RTKN2: variants seen among roughly 807,000 people sequenced by gnomAD.
RTKN2 encodes the protein rhotekin 2.
A neutral mutation model predicts 71.5 loss-of-function variants in RTKN2; 69 were observed. The ratio of observed to expected loss-of-function variants is 0.96; its 90% CI spans 0.79 to 1.18. The LOEUF is 1.18. Ranked by LOEUF, RTKN2 falls within the 50% of genes most tolerant of loss-of-function variation. The pLI is 0.00. For synonymous variants in RTKN2, 236 were observed against 236.5 expected (o/e 1.00, Z 0.02); for missense variants, 724 against 719.7 (o/e 1.01, Z -0.07).
intron 2 of RTKN2, among the ~76,000 whole-genome samples, chr10:62,253,025 T>C (rs1161560251): frequency 6.6e-6 from 1 of 152,084 alleles, no homozygotes; most frequent in Non-Finnish European, 1.5e-5. Context: ...GTTATATCAG[T>C]AAATATAAAA....
intron 6 of RTKN2, among the ~76,000 whole-genome samples, 200 bp downstream of exon 6, chr10:62,235,866 A>T (rs947869648): frequency 1.3e-5 from 2 of 152,116 alleles, no homozygotes; most frequent in African/African-American, 2.4e-5. Context: ...CCAAATCACT[A>T]AAAACACTCT....
chr10:62,260,845 T>C (rs1384127764), intron 2 of RTKN2, among the ~76,000 whole-genome samples: 3 of 152,214 alleles, frequency 2.0e-5, no homozygotes, highest in Non-Finnish European at 4.4e-5. Context: ...TGACATAATA[T>C]AATGTTTAGT....
intron 3 of RTKN2, among the ~76,000 whole-genome samples, chr10:62,243,024 G>C (rs1040425581): frequency 6.6e-6 from 1 of 151,618 alleles, no homozygotes; most frequent in Non-Finnish European, 1.5e-5. Flanking sequence ...GGGTACATGT[G>C]CACGACGTGC....
chr10:62,209,535 G>T (rs1379894293), intron 9 of RTKN2, among the ~76,000 whole-genome samples: 3 of 151,928 alleles, frequency 2.0e-5, no homozygotes, highest in Non-Finnish European at 2.9e-5. Context: ...TGTCATGGGG[G>T]TCTACTGTAA....
chr10:62,256,018 GA>G (rs1842667606), intron 2 of RTKN2, among the ~76,000 whole-genome samples: 1 of 125,682 alleles, frequency 8.0e-6, no homozygotes. Context: ...TTAAAATCTA[GA>G]CTCTTTTTTT....
chr10:62,213,964 G>C (rs185111510), intron 9 of RTKN2, among the ~76,000 whole-genome samples: 13 of 151,994 alleles, frequency 8.6e-5, no homozygotes, highest in Admixed American at 6.6e-5. Flanking sequence ...TCAATAAGGA[G>C]ATCAGTGAAT....
intron 1 of RTKN2, 39 bp from the exon 2 acceptor site, chr10:62,262,860 CA>C: frequency 4.4e-6 from 6 of 1,375,898 alleles, no homozygotes; most frequent in Non-Finnish European, 6.1e-6. Flanking sequence ...AGCAAAAACC[CA>C]AAATTACATC....
intron 8 of RTKN2, chr10:62,184,534 C>A (rs1186004203): frequency 4.0e-6 from 2 of 505,994 alleles, no homozygotes; most frequent in African/African-American, 4.0e-5. Flanking sequence ...GTAAAAAAGC[C>A]TTTCTTAGAA....
At position 62,268,738 on chromosome 10, in the gene RTKN2, G is replaced by A. The variant is rs1842916561; in HGVS notation, c.-128C>T. On this transcript the variant is annotated 5_prime_UTR_variant, in exon 1 of 12. Transcript: ENST00000373789. Reference sequence around the variant, plus strand: ...CCAAGTCCCAGTCGCAGGGGCCGGGGGCGCAGGAGGAGCCGGGCCGAAGCG... The same window carrying A: ...CCAAGTCCCAGTCGCAGGGGCCGGGAGCGCAGGAGGAGCCGGGCCGAAGCG... 3.1e-6 allele frequency: 3 copies of A among 967,242 alleles called. No individual in the cohort carries two copies. Among genetic ancestry groups the A allele is most frequent in the Non-Finnish European group, 4.5e-6 (3 of 660,366 alleles). 59.9% of individuals were successfully genotyped at this position (967,242 alleles called of 1,614,324 possible).
intron 6 of RTKN2, among the ~76,000 whole-genome samples, chr10:62,231,657 T>TA (rs932749556): frequency 1.4e-4 from 22 of 152,122 alleles, no homozygotes; most frequent in African/African-American, 5.3e-4. Context: ...GGGCAATTGT[T>TA]ACAACATTTT....
chr10:62,232,062 G>T (rs892923884), intron 6 of RTKN2, among the ~76,000 whole-genome samples: 1 of 152,088 alleles, frequency 6.6e-6, no homozygotes. Context: ...AGGTTTTATT[G>T]TATCTTTTGA....
intron 2 of RTKN2, among the ~76,000 whole-genome samples, chr10:62,254,445 CAATT>C (rs1721460423): frequency 6.6e-6 from 1 of 152,164 alleles, no homozygotes; most frequent in Non-Finnish European, 1.5e-5. Context: ...AACTGTGAGT[CAATT>C]AAACCTCTTT....
In RTKN2 at chr10:62,205,040, A is replaced by T; in HGVS notation, c.1021-18T>A. 6.4e-7 allele frequency: 1 copy of T among 1,569,504 alleles called. No homozygotes were observed. Among genetic ancestry groups the T allele is most frequent in the Non-Finnish European group, 8.6e-7 (1 of 1,167,214 alleles). On this transcript the variant is annotated intron_variant, in intron 9 of 11. Transcript: ENST00000373789. ...CTGGTTTCCTAAAAATTAAGAAAAA[A>T]ATTGGGGTTTTGCATGAGAAAATTT...
At chr10:62,192,414 G>A (rs1841237287), downstream of RTKN2, among the ~76,000 whole-genome samples, 1 of 152,152 alleles carries the variant, frequency 6.6e-6, no homozygotes, top group South Asian at 2.1e-4. Flanking sequence ...TGGGTAGCCT[G>A]CTAAAATAGC....
rs1841293582 is a variant in RTKN2 at position 62,195,005 on chromosome 10, G to C, written c.*2903C>G. The C allele has an allele frequency of 7.1e-6, 7 of 985,274 alleles. No individual in the cohort carries two copies. The highest frequency in any genetic ancestry group is 8.4e-6 in the Non-Finnish European group (7 of 829,806). The allele number at this position is 985,274 out of a possible 1,614,324, so 61.0% of individuals were successfully genotyped here. A position where few individuals can be genotyped will look rare whatever the true frequency, so the allele number is the denominator to read the frequency against. On this transcript the variant is annotated 3_prime_UTR_variant, in exon 12 of 12. Transcript: ENST00000373789. ...TATTTTTGAAAGACTATTTACCTTA[G>C]GAGGTGTGCATTTAGAATTTTAAAA...
chr10:62,184,696 C>G (rs376644945), intron 8 of RTKN2, among the ~76,000 whole-genome samples: 7 of 152,206 alleles, frequency 4.6e-5, no homozygotes, highest in African/African-American at 1.7e-4. Context: ...TCTGAGGAGC[C>G]TTCCTAGTCT....
At position 62,218,246 on chromosome 10, in the gene RTKN2, G is replaced by A. The variant is rs1841820595; in HGVS notation, c.837C>T (p.Ala279=). The stretch of plus-strand genomic sequence containing the variant: ...CATCCTCAGCCATACAAGCTGGCTG[G>A]GCAACTAGTCGGCAGCACATGTTGC... ...LYGNMCCRLV[A]QPACMAEDAF... Residue 279 remains alanine, a synonymous_variant, in exon 8 of 12, where the codon GCC becomes GCT. Transcript: ENST00000373789. 1 of 1,613,212 alleles carries A rather than the reference G, an allele frequency of 6.2e-7. No individual in the cohort carries two copies. Among genetic ancestry groups the A allele is most frequent in the Non-Finnish European group, 8.5e-7 (1 of 1,179,582 alleles).
chr10:62,239,202 T>C (rs1423981293), intron 5 of RTKN2: 1 of 152,990 alleles, frequency 6.5e-6, no homozygotes, highest in East Asian at 1.9e-4. Context: ...CTATATAGCA[T>C]GTACTTCAGG....
At chr10:62,250,388 G>A (rs537817486) in intron 2 of RTKN2, among the ~76,000 whole-genome samples, 2 of 152,284 alleles carry the variant, frequency 1.3e-5, no homozygotes, top group African/African-American at 4.8e-5. Flanking sequence ...AGAAACACTA[G>A]TTTCAAACAT....
Sources: allele counts gnomAD v4.1 joint callset (sites outside exome capture counted in the v4.1 genomes callset), GRCh38; gene constraint gnomAD v4.1.1; transcripts MANE v1.5; gene names NCBI Gene and HGNC (gene_info 2026-07-23, HGNC 2026-07-21).